SNX31: variants seen among roughly 807,000 people sequenced by gnomAD.
SNX31 encodes sorting nexin-31.
Under a neutral mutation model 65.4 loss-of-function variants are expected in SNX31, and 58 were observed. The ratio of observed to expected loss-of-function variants is 0.89; its 90% CI spans 0.72 to 1.10. The LOEUF (loss-of-function observed/expected upper bound fraction) is 1.10. Among genes scored for constraint, SNX31 ranks in the 50% least tolerant of loss-of-function variants. The pLI, the probability that SNX31 is intolerant of heterozygous loss-of-function variation, is 0.00. For missense variants in SNX31, 523 were observed against 529.7 expected (o/e 0.99, Z 0.12); for synonymous variants, 181 against 190.1 (o/e 0.95, Z 0.39).
chr8:100,595,533 G>A (rs150107639), intron 10 of SNX31, among the ~76,000 whole-genome samples: 1 of 152,218 alleles, frequency 6.6e-6, no homozygotes, highest in East Asian at 1.9e-4. Context: ...TGGTAAGGGA[G>A]ACTTTTGAGG....
chr8:100,619,465 T>C (rs1165834050), intron 4 of SNX31, among the ~76,000 whole-genome samples: 6 of 152,162 alleles, frequency 3.9e-5, no homozygotes, highest in African/African-American at 1.4e-4. Flanking sequence ...GGAACAAATC[T>C]GGGGATCTGT....
At chr8:100,601,816 G>A (rs1046044911) in intron 8 of SNX31, among the ~76,000 whole-genome samples, 1 of 152,216 alleles carries the variant, frequency 6.6e-6, no homozygotes, top group Non-Finnish European at 1.5e-5. Flanking sequence ...ATGGCCCCCT[G>A]TGGAAGCACG....
intron 12 of SNX31, among the ~76,000 whole-genome samples, chr8:100,577,389 ATAAT>A (rs1469044544): frequency 6.6e-6 from 1 of 152,262 alleles, no homozygotes; most frequent in Non-Finnish European, 1.5e-5. Context: ...AAATCCTGAA[ATAAT>A]TCTTGGGGTT....
At chr8:100,647,168 G>C (rs916756233) in intron 2 of SNX31, among the ~76,000 whole-genome samples, 1 of 152,080 alleles carries the variant, frequency 6.6e-6, no homozygotes, top group Admixed American at 6.6e-5. Flanking sequence ...GTATAGAAAG[G>C]GGGAAAATGA....
In SNX31 at chr8:100,625,103, G is replaced by A. The variant is rs987671610; in HGVS notation, c.321+5224C>T. 1.1e-4 allele frequency among the ~76,000 whole-genome samples: 17 copies of A among 152,082 alleles called. No homozygotes were observed. Among genetic ancestry groups the A allele is most frequent in the African/African-American group, 3.4e-4 (14 of 41,410 alleles). Reference sequence around the variant, plus strand: ...TGGGATTACAGGTGTGAGCCACCACGTTTGGCCCAGCTGCCATACTTATCT... The same window carrying A: ...TGGGATTACAGGTGTGAGCCACCACATTTGGCCCAGCTGCCATACTTATCT... On this transcript the variant is annotated intron_variant, in intron 4 of 13. Transcript: ENST00000311812. The surrounding 1 kb of genome is among the most constrained non-coding windows in gnomAD (Gnocchi z 4.2).
intron 1 of SNX31, among the ~76,000 whole-genome samples, chr8:100,655,736 A>G (rs1820043776): frequency 6.6e-6 from 1 of 152,162 alleles, no homozygotes. Flanking sequence ...GTGGACAGTG[A>G]GGCTGGGGAG....
rs117427247 is a variant in SNX31 at position 100,612,805 on chromosome 8, G to A, written c.523+190C>T. Among the ~76,000 whole-genome samples, 4,595 of 152,122 alleles carry A rather than the reference G, an allele frequency of 0.03. 93 individuals are homozygous for A. Among genetic ancestry groups the A allele is most frequent in the South Asian group, 0.048 (231 of 4,810 alleles). On this transcript the variant is annotated intron_variant, in intron 6 of 13. Coordinates refer to ENST00000311812, the MANE Select transcript of SNX31 (RefSeq NM_152628.4). This position sits in a 1 kb window ranked among gnomAD's most constrained non-coding sequence, Gnocchi z 4.3. Reference sequence around the variant, plus strand: ...TTACTGGACCACCCAAGGTATGAGCGGTTTGCCCCCACTCTCCCCTAACAA... The same window carrying A: ...TTACTGGACCACCCAAGGTATGAGCAGTTTGCCCCCACTCTCCCCTAACAA...
At chr8:100,646,905 G>A (rs1031435614) in intron 2 of SNX31, among the ~76,000 whole-genome samples, 1 of 152,170 alleles carries the variant, frequency 6.6e-6, no homozygotes, top group Non-Finnish European at 1.5e-5. Flanking sequence ...GTCAGAGCAG[G>A]TTCTAGAAAT....
upstream of SNX31, among the ~76,000 whole-genome samples, chr8:100,652,267 C>T (rs563746138): frequency 3.5e-4 from 54 of 152,316 alleles, no homozygotes; most frequent in African/African-American, 1.1e-3. Flanking sequence ...TGTGAGCCAC[C>T]GCGCCCGGCC....
At position 100,624,855 on chromosome 8, in the gene SNX31, A is replaced by G. The variant is rs151071925; in HGVS notation, c.321+5472T>C. 3.7e-3 allele frequency among the ~76,000 whole-genome samples: 559 copies of G among 152,140 alleles called. 2 individuals carry two copies. Among genetic ancestry groups the G allele is most frequent in the African/African-American group, 0.012 (486 of 41,492 alleles). ...CTTGCTCTGTTTCCCAGGCTGGAGT[A>G]CAGTGGGCTGATCATAGCTCACCGT... On this transcript the variant is annotated intron_variant, in intron 4 of 13. Coordinates refer to ENST00000311812, the MANE Select transcript of SNX31 (RefSeq NM_152628.4).
At position 100,612,903 on chromosome 8, in the gene SNX31, G is replaced by A; in HGVS notation, c.523+92C>T. The A allele has an allele frequency of 1.9e-6, 2 of 1,060,054 alleles. No individual in the cohort carries two copies. The highest frequency in any genetic ancestry group is 2.9e-6 in the Non-Finnish European group (2 of 678,812). The allele number at this position is 1,060,054 out of a possible 1,614,324, so 65.7% of individuals were successfully genotyped here. A position where few individuals can be genotyped will look rare whatever the true frequency, so the allele number is the denominator to read the frequency against. On this transcript the variant is annotated intron_variant, in intron 6 of 13. Transcript: ENST00000311812. This position sits in a 1 kb window ranked among gnomAD's most constrained non-coding sequence, Gnocchi z 4.3. Reference sequence around the variant, plus strand: ...AGTGGTAGGGATCACAGCCCAGTGGGTGGCCAGCCCCTCAGCTGTGACTCC... The same window carrying A: ...AGTGGTAGGGATCACAGCCCAGTGGATGGCCAGCCCCTCAGCTGTGACTCC...
rs560910524 is a variant in SNX31, at chr8:100,612,298, G to C, written c.524-211C>G. ...CTCAAAAAAAAACAGCCCCTTGAGTGGGGGGTGTTTTACACTGTGATATAG... is the reference window on the plus strand; with the variant it reads ...CTCAAAAAAAAACAGCCCCTTGAGTCGGGGGTGTTTTACACTGTGATATAG... On this transcript the variant is annotated intron_variant, in intron 6 of 13. Coordinates refer to ENST00000311812, the MANE Select transcript of SNX31 (RefSeq NM_152628.4). This position sits in a 1 kb window ranked among gnomAD's most constrained non-coding sequence, Gnocchi z 4.3. 2.0e-5 allele frequency among the ~76,000 whole-genome samples: 3 copies of C among 152,108 alleles called. No homozygotes were observed. Among genetic ancestry groups the C allele is most frequent in the African/African-American group, 7.2e-5 (3 of 41,516 alleles).
Position 100,609,482 on chromosome 8 carries a change from C to T in SNX31, c.612-919G>A, listed in dbSNP as rs1396658601. 1.3e-5 allele frequency among the ~76,000 whole-genome samples: 2 copies of T among 152,160 alleles called. No individual in the cohort carries two copies. Among genetic ancestry groups the T allele is most frequent in the Admixed American group, 1.3e-4 (2 of 15,290 alleles). ...TCTTGACAGAGTGATTTGCAAATAG[C>T]AGGGGCTCCGTGTCTGCCTGTCAGA... On this transcript the variant is annotated intron_variant, in intron 7 of 13. Transcript: ENST00000311812. The surrounding 1 kb of genome is among the most constrained non-coding windows in gnomAD (Gnocchi z 4.9).
At chr8:100,582,839 C>T (rs865828456) in intron 12 of SNX31, among the ~76,000 whole-genome samples, 3 of 151,144 alleles carry the variant, frequency 2.0e-5, no homozygotes, top group South Asian at 4.2e-4. Flanking sequence ...AAAAATCAGC[C>T]GGGCGTGGTG....
intron 12 of SNX31, among the ~76,000 whole-genome samples, chr8:100,583,536 C>T (rs1813750535): frequency 6.6e-6 from 1 of 152,074 alleles, no homozygotes; most frequent in South Asian, 2.1e-4. Flanking sequence ...TCTCACCAAC[C>T]TTTTTGATGA....
intron 4 of SNX31, chr8:100,618,087 G>GC (rs1437743976): frequency 1.0e-6 from 1 of 985,244 alleles, no homozygotes; most frequent in African/African-American, 1.7e-5. Flanking sequence ...TTTTAAAGCT[G>GC]CACCATTGCA....
At chr8:100,659,216 G>C (rs62513902) in intron 1 of SNX31, among the ~76,000 whole-genome samples, 18 of 152,002 alleles carry the variant, frequency 1.2e-4, no homozygotes, top group East Asian at 7.8e-4. Flanking sequence ...CCTGGTGGTG[G>C]GCACCTGTAA....
chr8:100,619,839 A>G (rs1024758485), intron 4 of SNX31: 4 of 152,260 alleles, frequency 2.6e-5, no homozygotes, highest in African/African-American at 9.6e-5. Context: ...TGGCCATGTA[A>G]CATCCTCAGG....
intron 2 of SNX31, among the ~76,000 whole-genome samples, chr8:100,646,850 G>T (rs577804149): frequency 3.5e-4 from 53 of 152,234 alleles, no homozygotes; most frequent in African/African-American, 1.2e-3. Context: ...TTACTGATAC[G>T]ATTTATTTTA....
Sources: gnomAD v4.1 joint callset for allele counts (sites outside exome capture counted in the v4.1 genomes callset) on GRCh38, gnomAD v4.1.1 for gene constraint, Gnocchi (gnomAD v3.1) non-coding constraint, MANE v1.5 for transcripts, NCBI Gene and HGNC (gene_info 2026-07-23, HGNC 2026-07-21) for gene names.